The following COG6 variants were observed in gnomAD, a reference collection of about 807,000 sequenced individuals.
COG6 encodes conserved oligomeric Golgi complex subunit 6.
COG6 carries 74 observed loss-of-function variants against 88.8 expected under a neutral mutation model. The ratio of observed to expected loss-of-function variants is 0.83; its 90% CI spans 0.69 to 1.01. COG6 has a LOEUF of 1.01. Ranked by LOEUF, COG6 falls within the 50% of genes least tolerant of loss-of-function variation. COG6 has a pLI of 0.00. For synonymous variants in COG6, 286 were observed against 278.7 expected (o/e 1.03, Z -0.26); for missense variants, 800 against 797.9 (o/e 1.00, Z -0.03).
intron 18 of COG6, among the ~76,000 whole-genome samples, chr13:39,769,435 G>A (rs1157282311): frequency 2.6e-5 from 4 of 152,270 alleles, no homozygotes; most frequent in African/African-American, 7.2e-5. Flanking sequence ...CGTGGGACCT[G>A]GGAAAGATTA....
chr13:39,668,057 T>C (rs1421463259), intron 4 of COG6, among the ~76,000 whole-genome samples: 4 of 152,202 alleles, frequency 2.6e-5, no homozygotes, highest in African/African-American at 4.8e-5. Flanking sequence ...TTAGGTGTCA[T>C]TGGAGCCATC....
intron 4 of COG6, among the ~76,000 whole-genome samples, chr13:39,671,598 A>G (rs186960809): frequency 1.3e-4 from 20 of 152,042 alleles, no homozygotes; most frequent in African/African-American, 2.4e-4. Context: ...TGCCCATCAT[A>G]TATTTCAAAA....
chr13:39,716,327 A>C (rs1192158576), intron 13 of COG6, among the ~76,000 whole-genome samples: 1 of 151,840 alleles, frequency 6.6e-6, no homozygotes, highest in Non-Finnish European at 1.5e-5. Flanking sequence ...GCTTTCTTTC[A>C]GTTATTGTTT....
chr13:39,740,712 A>G (rs1355209005), intron 18 of COG6, among the ~76,000 whole-genome samples: 1 of 152,162 alleles, frequency 6.6e-6, no homozygotes, highest in Non-Finnish European at 1.5e-5. Flanking sequence ...CTTTAATTTC[A>G]TTTATAGACA....
chr13:39,776,397 T>A (rs1881464663), intron 18 of COG6, among the ~76,000 whole-genome samples: 1 of 152,228 alleles, frequency 6.6e-6, no homozygotes, highest in Non-Finnish European at 1.5e-5. Flanking sequence ...AATATAGACC[T>A]AATCAGAATA....
intron 18 of COG6, among the ~76,000 whole-genome samples, chr13:39,779,934 G>A (rs957507520): frequency 6.6e-6 from 1 of 152,160 alleles, no homozygotes; most frequent in Non-Finnish European, 1.5e-5. Flanking sequence ...ACATTTATTA[G>A]GCACCTACTC....
At chr13:39,677,668 TAAA>T in intron 5 of COG6, 89 bp downstream of exon 5, 2 of 683,190 alleles carry the variant, frequency 2.9e-6, no homozygotes, top group Non-Finnish European at 5.0e-6. Context: ...ATTTTCCCAT[TAAA>T]AAAAGTTTCA....
In COG6 at chr13:39,719,299, C is replaced by G; in HGVS notation, c.1348C>G (p.Arg450Gly). 6.2e-7 allele frequency: 1 copy of G among 1,612,714 alleles called. No individual in the cohort carries two copies. Among genetic ancestry groups the G allele is most frequent in the Non-Finnish European group, 8.5e-7 (1 of 1,179,078 alleles). The change falls in exon 14 of 19, where the codon CGT (arginine) becomes GGT (glycine). Residue 450 changes from arginine to glycine, a missense_variant. Transcript: ENST00000455146. ...SALNQTLMLLREVLASHDSSV... is the reference protein window; with the variant it reads ...SALNQTLMLLGEVLASHDSSV... ...ACTAAATCAGACACTCATGTTGCTG[C>G]GTGAAGTTTTAGCATCTCACGATTC...
rs770529508 is a variant in COG6 at position 39,680,019 on chromosome 13, A to G, written c.668A>G (p.Tyr223Cys). Residue 223 changes from tyrosine (Y) to cysteine (C), a missense_variant, in exon 7 of 19, where the codon TAT becomes TGT. By Grantham distance (194) the Tyr-to-Cys change is radical (BLOSUM62 -2). Coordinates refer to ENST00000455146, the MANE Select transcript of COG6 (RefSeq NM_020751.3). ...EQMALLQETAYERLYRWAQSE... is the reference protein window; with the variant it reads ...EQMALLQETACERLYRWAQSE... Reference sequence around the variant, plus strand: ...ATGGCCTTACTTCAAGAAACGGCTTATGAAAGACTTTACCGATGGGCTCAA... The same window carrying G: ...ATGGCCTTACTTCAAGAAACGGCTTGTGAAAGACTTTACCGATGGGCTCAA... The G allele has an allele frequency of 4.4e-6, 7 of 1,589,404 alleles. No individual in the cohort carries two copies. The South Asian group carries it at 5.6e-5, about 13-fold the overall frequency.
intron 4 of COG6, among the ~76,000 whole-genome samples, chr13:39,666,943 G>A (rs1329208222): frequency 2.6e-5 from 4 of 152,144 alleles, no homozygotes; most frequent in East Asian, 1.9e-4. Flanking sequence ...ATTGGAACAT[G>A]TACCTTATCT....
At chr13:39,688,105 A>G (rs901425831) in intron 10 of COG6, among the ~76,000 whole-genome samples, 1 of 152,132 alleles carries the variant, frequency 6.6e-6, no homozygotes, top group Non-Finnish European at 1.5e-5. Context: ...CATTTTCTCA[A>G]ATCCTCTGCA....
chr13:39,694,713 A>G lies in COG6; in HGVS notation c.1154A>G (p.His385Arg), dbSNP rs1433739743. Reference protein sequence around the residue: ...YKISNLLKFYHHTISGIVGNS... With the variant: ...YKISNLLKFYRHTISGIVGNS... ...ATTTCTAATCTCCTCAAATTTTATC[A>G]CCATACAATCAGGTAAGTAGAATGG... is the stretch of plus-strand genomic sequence containing the variant. Residue 385 changes from histidine to arginine, a missense_variant, in exon 12 of 19, where the codon CAC becomes CGC. His to Arg is a conservative substitution (Grantham distance 29). Transcript: ENST00000455146. The G allele has an allele frequency of 1.9e-6, 3 of 1,564,886 alleles. No individual in the cohort carries two copies. Among genetic ancestry groups the G allele is most frequent in the East Asian group, 4.5e-5 (2 of 44,436 alleles).
chr13:39,675,819 T>C, intron 4 of COG6, among the ~76,000 whole-genome samples: 1 of 152,076 alleles, frequency 6.6e-6, no homozygotes, highest in South Asian at 2.1e-4. Context: ...CTCAAGGAAT[T>C]TGATGAAATT....
intron 4 of COG6, among the ~76,000 whole-genome samples, chr13:39,672,295 A>G (rs922557700): frequency 3.9e-5 from 6 of 152,008 alleles, no homozygotes; most frequent in African/African-American, 1.2e-4. Flanking sequence ...TTGAGATATA[A>G]TTCACATATC....
intron 11 of COG6, among the ~76,000 whole-genome samples, chr13:39,690,110 T>G (rs1331222274): frequency 6.6e-6 from 1 of 152,010 alleles, no homozygotes; most frequent in Non-Finnish European, 1.5e-5. Flanking sequence ...TCTATTAAAT[T>G]TAAACAGCGA....
Position 39,750,974 on chromosome 13 carries a change from T to C in COG6, c.1855T>C (p.Leu619=). 2 of 1,613,620 alleles carry C rather than the reference T, an allele frequency of 1.2e-6. No individual in the cohort carries two copies. The highest frequency in any genetic ancestry group is 1.7e-6 in the Non-Finnish European group (2 of 1,179,724). The part of the protein sequence containing the change: ...KEQIVKQSTE[L]VCRAYGEVYA... ...GCAGATCGTAAAACAATCTACAGAATTAGTCTGCAGAGCCTATGGTGAAGT... is the reference window on the plus strand; with the variant it reads ...GCAGATCGTAAAACAATCTACAGAACTAGTCTGCAGAGCCTATGGTGAAGT... Residue 619 remains leucine, a synonymous_variant, in exon 19 of 19, where the codon TTA becomes CTA. Transcript: ENST00000455146.
At chr13:39,689,588 A>G (rs556411362) in intron 10 of COG6, among the ~76,000 whole-genome samples, 172 bp from the exon 11 acceptor site, 25 of 152,204 alleles carry the variant, frequency 1.6e-4, no homozygotes, top group Admixed American at 1.6e-3. Context: ...TGTTAACACA[A>G]TTAGTAATGT....
At chr13:39,665,830 G>T (rs1016818240) in intron 4 of COG6, among the ~76,000 whole-genome samples, 1 of 152,182 alleles carries the variant, frequency 6.6e-6, no homozygotes, top group East Asian at 1.9e-4. Context: ...TCAGTAATAT[G>T]GAGATATTAC....
In COG6 at chr13:39,719,549, C is replaced by T. The variant is rs12875655; in HGVS notation, c.1417-111C>T. 157,853 of 1,208,574 alleles carry T rather than the reference C, an allele frequency of 0.13. 11,044 individuals are homozygous for T. The highest frequency in any genetic ancestry group is 0.22 in the East Asian group (9,254 of 41,758). The allele number at this position is 1,208,574 out of a possible 1,614,324, so 74.9% of individuals were successfully genotyped here. A position where few individuals can be genotyped will look rare whatever the true frequency, so the allele number is the denominator to read the frequency against. On this transcript the variant is annotated intron_variant, in intron 14 of 18. Coordinates refer to ENST00000455146, the MANE Select transcript of COG6 (RefSeq NM_020751.3). ...TTGATTTATGTTTAATCTTTTCCTA[C>T]GTGCTTCTATAAATTGGCTTCCTTC...
Sources: gnomAD v4.1 joint callset for allele counts (sites outside exome capture counted in the v4.1 genomes callset) on GRCh38, gnomAD v4.1.1 for gene constraint, MANE v1.5 for transcripts, NCBI Gene and HGNC (gene_info 2026-07-23, HGNC 2026-07-21) for gene names.